The following GRID2 variants were observed in gnomAD, a reference collection of about 807,000 sequenced individuals.
GRID2 encodes the protein glutamate receptor ionotropic, delta-2.
GRID2 carries 33 observed loss-of-function variants against 114.8 expected under a neutral mutation model. The observed-to-expected ratio is 0.29, with a 90% CI of 0.22 to 0.38. GRID2 has a LOEUF of 0.38. Among genes scored for constraint, GRID2 ranks in the 10% least tolerant of loss-of-function variants. GRID2 has a pLI of 1.00. For missense variants in GRID2, 1,184 were observed against 1,257.7 expected, an observed-to-expected ratio of 0.94 and a Z score of 0.89; for synonymous variants, 505 against 449.9, an observed-to-expected ratio of 1.12 and a Z score of -1.55.
At chr4:92,385,647 T>C (rs186174504) in intron 1 of GRID2, among the ~76,000 whole-genome samples, 1 of 151,508 alleles carries the variant, frequency 6.6e-6, no homozygotes, top group East Asian at 1.9e-4. Context: ...ATTTAAATTT[T>C]AGGCATTTTA....
chr4:92,924,295 T>C (rs904207950), intron 2 of GRID2, among the ~76,000 whole-genome samples: 8 of 151,996 alleles, frequency 5.3e-5, no homozygotes, highest in Admixed American at 1.3e-4. Flanking sequence ...AAATAGCTAA[T>C]GTTAAATGAC....
chr4:93,383,347 A>G (rs1764039101), intron 8 of GRID2, among the ~76,000 whole-genome samples: 1 of 152,158 alleles, frequency 6.6e-6, no homozygotes, highest in African/African-American at 2.4e-5. Context: ...ACTGCATGTA[A>G]GTTGCTCCTG....
intron 13 of GRID2, among the ~76,000 whole-genome samples, chr4:93,591,782 T>A (rs2149614857): frequency 6.6e-6 from 1 of 152,336 alleles, no homozygotes; most frequent in East Asian, 1.9e-4. Context: ...GGCTTAGTCT[T>A]GGGAGAGTGT....
At chr4:93,108,374 C>G (rs973390357) in intron 3 of GRID2, among the ~76,000 whole-genome samples, 5 of 152,114 alleles carry the variant, frequency 3.3e-5, no homozygotes, top group African/African-American at 1.2e-4. Context: ...TTTTGGAGAA[C>G]AAGTTTTTTC....
At chr4:92,676,052 TACTC>T (rs2149280005) in intron 2 of GRID2, among the ~76,000 whole-genome samples, 1 of 151,990 alleles carries the variant, frequency 6.6e-6, no homozygotes, top group East Asian at 1.9e-4. Context: ...GCGAGTTCGA[TACTC>T]AATATTTTGT....
chr4:93,382,338 G>A (rs780665403), intron 8 of GRID2, among the ~76,000 whole-genome samples: 3 of 151,960 alleles, frequency 2.0e-5, no homozygotes, highest in South Asian at 2.1e-4. Context: ...TCTTTTCTCT[G>A]TCTTCTTATG....
At chr4:92,602,965 A>G (rs1346966630) in intron 2 of GRID2, among the ~76,000 whole-genome samples, 2 of 152,182 alleles carry the variant, frequency 1.3e-5, no homozygotes, top group Non-Finnish European at 2.9e-5. Flanking sequence ...TACAAAATGA[A>G]TAAAATACCT....
chr4:92,667,777 A>T (rs564574205), intron 2 of GRID2, among the ~76,000 whole-genome samples: 68 of 151,856 alleles, frequency 4.5e-4, no homozygotes, highest in African/African-American at 1.6e-3. Flanking sequence ...TATTAAAGTA[A>T]ATCTCATTCT....
chr4:93,047,383 A>T (rs1205642125), intron 2 of GRID2, among the ~76,000 whole-genome samples: 1 of 152,152 alleles, frequency 6.6e-6, no homozygotes, highest in African/African-American at 2.4e-5. Flanking sequence ...TATTATACTG[A>T]TATAAGATGT....
intron 8 of GRID2, among the ~76,000 whole-genome samples, chr4:93,364,878 A>T (rs1011934536): frequency 3.3e-5 from 5 of 152,044 alleles, no homozygotes; most frequent in Admixed American, 2.6e-4. Context: ...GCAACTTGAG[A>T]GTTTTAAAAG....
At chr4:93,082,319 C>T (rs1729943193) in intron 2 of GRID2, among the ~76,000 whole-genome samples, 1 of 152,140 alleles carries the variant, frequency 6.6e-6, no homozygotes, top group South Asian at 2.1e-4. Context: ...TTTAAGGATA[C>T]AACTACAAGA....
At chr4:92,955,937 T>C (rs1560742006) in intron 2 of GRID2, among the ~76,000 whole-genome samples, 1 of 152,112 alleles carries the variant, frequency 6.6e-6, no homozygotes, top group Non-Finnish European at 1.5e-5. Context: ...GCCAGGATGT[T>C]CTCTATCTCC....
At chr4:93,209,164 G>A (rs1274583018) in intron 5 of GRID2, among the ~76,000 whole-genome samples, 1 of 151,886 alleles carries the variant, frequency 6.6e-6, no homozygotes, top group Non-Finnish European at 1.5e-5. Context: ...CTCGTGTCAT[G>A]GGGGTTTATT....
rs1270920247 is a variant in GRID2 at position 93,085,125 on chromosome 4, G to T, written c.375G>T (p.Gly125=). The change falls in exon 3 of 16, where the codon GGG becomes GGT. Residue 125 remains glycine, a synonymous_variant. Transcript: ENST00000282020. ...PHLFIQRSTA[G]TPRSGCGLTR... The stretch of plus-strand genomic sequence containing the variant: ...TCTTCATTCAGCGCTCAACAGCTGG[G>T]ACCCCAAGGAGTGGCTGTGGACTCA... 1 of 1,613,988 alleles carries T rather than the reference G, an allele frequency of 6.2e-7. No individual in the cohort carries two copies. The highest frequency in any genetic ancestry group is 8.5e-7 in the Non-Finnish European group (1 of 1,180,014).
chr4:92,950,702 T>C (rs1751966894), intron 2 of GRID2, among the ~76,000 whole-genome samples: 1 of 152,188 alleles, frequency 6.6e-6, no homozygotes, highest in Admixed American at 6.5e-5. Flanking sequence ...AATTGGTCCT[T>C]AATTTTGTCT....
At chr4:92,315,796 C>A (rs2110116553) in intron 1 of GRID2, among the ~76,000 whole-genome samples, 1 of 151,752 alleles carries the variant, frequency 6.6e-6, no homozygotes, top group East Asian at 1.9e-4. Flanking sequence ...CATGGTGAAA[C>A]CCCGTCTCTA....
chr4:93,053,054 C>A (rs973516565), intron 2 of GRID2, among the ~76,000 whole-genome samples: 2 of 151,554 alleles, frequency 1.3e-5, no homozygotes, highest in Non-Finnish European at 2.9e-5. Flanking sequence ...AAATGTACTC[C>A]CCTACCAAAT....
At chr4:93,423,670 A>G (rs1370195944) in intron 10 of GRID2, among the ~76,000 whole-genome samples, 1 of 152,138 alleles carries the variant, frequency 6.6e-6, no homozygotes, top group Non-Finnish European at 1.5e-5. Flanking sequence ...ATAGGTATGT[A>G]CATATGTATA....
intron 14 of GRID2, among the ~76,000 whole-genome samples, chr4:93,708,777 C>G (rs965423677): frequency 2.0e-5 from 3 of 151,520 alleles, no homozygotes; most frequent in Non-Finnish European, 4.4e-5. Context: ...TTCTTCCTTC[C>G]TTCTTTCCTG....
Sources: gnomAD v4.1 joint callset for allele counts (sites outside exome capture counted in the v4.1 genomes callset) on GRCh38, gnomAD v4.1.1 for gene constraint, MANE v1.5 for transcripts, NCBI Gene and HGNC (gene_info 2026-07-23, HGNC 2026-07-21) for gene names.